STRN3: variants seen among roughly 807,000 people sequenced by gnomAD.
The protein encoded by STRN3 is striatin 3.
A neutral mutation model predicts 95.6 loss-of-function variants in STRN3; 29 were observed. That is an observed-to-expected ratio of 0.30 (90% CI 0.23 to 0.41). The LOEUF (loss-of-function observed/expected upper bound fraction) is 0.41, where lower values mean the gene tolerates loss of function less well. Among genes scored for constraint, STRN3 ranks in the 10% least tolerant of loss-of-function variants. The pLI, the probability that STRN3 is intolerant of heterozygous loss-of-function variation, is 1.00. For synonymous variants in STRN3, 331 were observed against 357.6 expected, an observed-to-expected ratio of 0.93 and a Z score of 0.84; for missense variants, 890 against 972.1, an observed-to-expected ratio of 0.92 and a Z score of 1.12.
At chr14:30,905,374 A>C in intron 15 of STRN3, 44 bp downstream of exon 15, 1 of 1,545,592 alleles carries the variant, frequency 6.5e-7, no homozygotes, top group Non-Finnish European at 8.7e-7. Context: ...TCTATTGTGT[A>C]ATAACCCTTT....
intron 8 of STRN3, among the ~76,000 whole-genome samples, chr14:30,921,574 A>T (rs1179801618): frequency 6.6e-6 from 1 of 152,118 alleles, no homozygotes; most frequent in East Asian, 1.9e-4. Context: ...AGTAGTCTTT[A>T]CTCTATTGTG....
At chr14:30,972,280 C>G (rs1267038978) in intron 1 of STRN3, among the ~76,000 whole-genome samples, 2 of 151,730 alleles carry the variant, frequency 1.3e-5, no homozygotes, top group African/African-American at 4.9e-5. Context: ...TCTGCCCTGA[C>G]CCCCGCCAAA....
In STRN3 at chr14:30,929,967, A is replaced by AAACAAAAAAAAAAAAC. The variant is rs1555317340; in HGVS notation, c.989-657_989-656insGTTTTTTTTTTTTGTT. Among the ~76,000 whole-genome samples the AAACAAAAAAAAAAAAC allele has an allele frequency of 3.2e-4, 29 of 91,212 alleles. 1 individual carries two copies. Among genetic ancestry groups the AAACAAAAAAAAAAAAC allele is most frequent in the South Asian group, 9.6e-4 (3 of 3,134 alleles). The allele number at this position is 91,212 out of a possible 152,430, so 59.8% of individuals were successfully genotyped here. On this transcript the variant is annotated intron_variant, in intron 7 of 17. Coordinates refer to ENST00000357479, the MANE Select transcript of STRN3 (RefSeq NM_001083893.2). ...AACTAAGATTAGCAAAAAAAAAAAA[A>AAACAAAAAAAAAAAAC]AAAAAAAAAAAACTCAAATTCCACT...
intron 1 of STRN3, among the ~76,000 whole-genome samples, chr14:30,995,272 G>C (rs1483002781): frequency 6.6e-6 from 1 of 151,940 alleles, no homozygotes; most frequent in Non-Finnish European, 1.5e-5. Context: ...TGAAGCATCT[G>C]CATATTGTTT....
chr14:30,973,339 GGAGGGGGAGAGAAGGGGACAGAGAGGGA>G (rs1880928212), intron 1 of STRN3, among the ~76,000 whole-genome samples: 2 of 151,262 alleles, frequency 1.3e-5, no homozygotes, highest in Admixed American at 6.6e-5. Context: ...TAGGTGGGGG[GGAGGGGGAGAGAAGGGGACAGAGAGGGA>G]GAGGGGGACA....
At chr14:30,937,478 C>A (rs917577126) in intron 5 of STRN3, among the ~76,000 whole-genome samples, 1 of 152,100 alleles carries the variant, frequency 6.6e-6, no homozygotes, top group African/African-American at 2.4e-5. Flanking sequence ...ACTTATTTAA[C>A]AGGTAATAGG....
At chr14:31,010,765 G>A (rs1882933735) in intron 1 of STRN3, among the ~76,000 whole-genome samples, 1 of 152,220 alleles carries the variant, frequency 6.6e-6, no homozygotes, top group South Asian at 2.1e-4. Context: ...AGTACCAGAT[G>A]TGCTGGCTTA....
chr14:30,926,576 GTACTTCTTATAA>G (rs1897034543), intron 8 of STRN3, among the ~76,000 whole-genome samples: 1 of 150,894 alleles, frequency 6.6e-6, no homozygotes, highest in Admixed American at 6.6e-5. Context: ...CTTCTTATAA[GTACTTCTTATAA>G]TACTTCTTAT....
At chr14:30,952,709 C>A (rs558535634) in intron 3 of STRN3, among the ~76,000 whole-genome samples, 14 of 150,904 alleles carry the variant, frequency 9.3e-5, no homozygotes, top group Non-Finnish European at 1.9e-4. Flanking sequence ...CAAAAAAAAC[C>A]AAAAAAACAA....
chr14:30,929,343 A>G, intron 7 of STRN3, 32 bp from the exon 8 acceptor site: 1 of 1,581,338 alleles, frequency 6.3e-7, no homozygotes, highest in South Asian at 1.1e-5. Flanking sequence ...AAGAAAAAAA[A>G]TCAGCAGTTG....
Position 30,894,290 on chromosome 14 carries a change from A to G in STRN3, c.*1121T>C, listed in dbSNP as rs925530531. 6 of 152,418 alleles carry G rather than the reference A, an allele frequency of 3.9e-5. No individual in the cohort carries two copies. Among genetic ancestry groups the G allele is most frequent in the East Asian group, 1.9e-4 (1 of 5,194 alleles). 9.4% of individuals were successfully genotyped at this position (152,418 alleles called of 1,614,324 possible). A position where few individuals can be genotyped will look rare whatever the true frequency, so the allele number is the denominator to read the frequency against. On this transcript the variant is annotated 3_prime_UTR_variant, in exon 18 of 18. Coordinates refer to ENST00000357479, the MANE Select transcript of STRN3 (RefSeq NM_001083893.2). Reference sequence around the variant, plus strand: ...TTGGAATCATGGTAAACCAAGATATATATCTTAGGGGGAACCACCTTGGTT... The same window carrying G: ...TTGGAATCATGGTAAACCAAGATATGTATCTTAGGGGGAACCACCTTGGTT...
At chr14:30,922,176 A>AC (rs1219563480) in intron 8 of STRN3, among the ~76,000 whole-genome samples, 1 of 152,108 alleles carries the variant, frequency 6.6e-6, no homozygotes, top group African/African-American at 2.4e-5. Flanking sequence ...GGCATGCACT[A>AC]CCACACTCAG....
intron 1 of STRN3, among the ~76,000 whole-genome samples, chr14:30,995,233 A>G (rs984412209): frequency 5.9e-5 from 9 of 152,226 alleles, no homozygotes; most frequent in Non-Finnish European, 2.9e-5. Context: ...CATAACTCCA[A>G]AAGTTAACTT....
intron 1 of STRN3, among the ~76,000 whole-genome samples, chr14:30,971,051 C>A (rs1880803856): frequency 6.6e-6 from 1 of 152,384 alleles, no homozygotes; most frequent in East Asian, 1.9e-4. Context: ...CATCTCCCAA[C>A]ACTAAGTTCA....
chr14:31,018,075 C>A (rs1265106350), intron 1 of STRN3, among the ~76,000 whole-genome samples: 6 of 141,472 alleles, frequency 4.2e-5, no homozygotes, highest in Admixed American at 2.1e-4. Flanking sequence ...TGAAACCCTG[C>A]CTCAATTTAA....
intron 1 of STRN3, among the ~76,000 whole-genome samples, chr14:30,969,711 C>T (rs1447991100): frequency 1.3e-5 from 2 of 152,146 alleles, no homozygotes; most frequent in African/African-American, 2.4e-5. Flanking sequence ...CTGTTGATGT[C>T]CCCACATTTA....
chr14:30,924,287 C>CTTT (rs71112354), intron 8 of STRN3, among the ~76,000 whole-genome samples: 3 of 77,228 alleles, frequency 3.9e-5, no homozygotes, highest in African/African-American at 1.1e-4. Flanking sequence ...TGCCTTAAAT[C>CTTT]TTTTTTTTTT....
intron 1 of STRN3, among the ~76,000 whole-genome samples, chr14:31,005,448 T>G (rs1882671953): frequency 6.6e-6 from 1 of 152,260 alleles, no homozygotes; most frequent in South Asian, 2.1e-4. Context: ...ATAGAGTAGC[T>G]ACCTGTGGAA....
Position 30,950,952 on chromosome 14 carries a change from T to C in STRN3, c.461-8A>G. ...CTGTGTCTTTGGTTTCTTCTAAAAA[T>C]TAAGAAAAAAAAAGTTTTACATACT... On this transcript the variant is annotated splice_polypyrimidine_tract_variant and splice_region_variant and intron_variant, in intron 3 of 17. Transcript: ENST00000357479. 1 of 1,604,504 alleles carries C rather than the reference T, an allele frequency of 6.2e-7. No individual in the cohort carries two copies. The highest frequency in any genetic ancestry group is 8.5e-7 in the Non-Finnish European group (1 of 1,177,666).
Sources: gnomAD v4.1 joint callset for allele counts (sites outside exome capture counted in the v4.1 genomes callset) on GRCh38, gnomAD v4.1.1 for gene constraint, MANE v1.5 for transcripts, NCBI Gene and HGNC (gene_info 2026-07-23, HGNC 2026-07-21) for gene names.